The following RRAS2 variants were observed in gnomAD, a reference collection of about 807,000 sequenced individuals.
The protein encoded by RRAS2 is ras-related protein R-Ras2.
A neutral mutation model predicts 27.6 loss-of-function variants in RRAS2; 7 were observed. That is an observed-to-expected ratio of 0.25 (90% CI 0.14 to 0.48). The LOEUF is 0.48. Among genes scored for constraint, RRAS2 ranks in the 20% least tolerant of loss-of-function variants. The probability of loss-of-function intolerance (pLI) is 0.99; values close to 1 mark genes in which losing one functional copy is unlikely to be tolerated. For missense variants in RRAS2, 178 were observed against 256.2 expected (o/e 0.69, Z 2.08); for synonymous variants, 86 against 90.9 (o/e 0.95, Z 0.31).
chr11:14,316,328 C>T (rs1355525701), intron 1 of RRAS2, among the ~76,000 whole-genome samples: 3 of 151,988 alleles, frequency 2.0e-5, no homozygotes, highest in African/African-American at 4.8e-5. Flanking sequence ...AGAGAATCAA[C>T]CAAAAGAGAA....
intron 4 of RRAS2, among the ~76,000 whole-genome samples, chr11:14,293,513 G>A (rs1363984177): frequency 6.6e-6 from 1 of 151,794 alleles, no homozygotes; most frequent in Non-Finnish European, 1.5e-5. Context: ...TAACCCCCAC[G>A]TGTCATGGGA....
At chr11:14,333,573 T>C (rs1005572026) in intron 1 of RRAS2, among the ~76,000 whole-genome samples, 2 of 152,214 alleles carry the variant, frequency 1.3e-5, no homozygotes, top group Non-Finnish European at 2.9e-5. Context: ...GCATATATAA[T>C]TAAATCTATG....
At chr11:14,283,275 A>C (rs186513434) in intron 4 of RRAS2, among the ~76,000 whole-genome samples, 42 of 152,322 alleles carry the variant, frequency 2.8e-4, no homozygotes, top group African/African-American at 9.4e-4. Flanking sequence ...ACTCTCCTTG[A>C]GTGATATATT....
chr11:14,322,802 A>G (rs539531297), intron 1 of RRAS2, among the ~76,000 whole-genome samples: 1 of 152,238 alleles, frequency 6.6e-6, no homozygotes, highest in Non-Finnish European at 1.5e-5. Context: ...AATAAATGAA[A>G]TCACAAACAA....
At chr11:14,302,184 C>T (rs1847733347) in intron 1 of RRAS2, among the ~76,000 whole-genome samples, 1 of 151,910 alleles carries the variant, frequency 6.6e-6, no homozygotes, top group African/African-American at 2.4e-5. Flanking sequence ...ACCCCTTACC[C>T]CCACACTACA....
chr11:14,329,196 C>T (rs1848436568), intron 1 of RRAS2, among the ~76,000 whole-genome samples: 1 of 151,690 alleles, frequency 6.6e-6, no homozygotes, highest in Non-Finnish European at 1.5e-5. Flanking sequence ...CTGCAACCTC[C>T]CTTCGCCTCC....
At chr11:14,338,233 T>A (rs1320781708) in intron 1 of RRAS2, among the ~76,000 whole-genome samples, 1 of 152,178 alleles carries the variant, frequency 6.6e-6, no homozygotes, top group Non-Finnish European at 1.5e-5. Flanking sequence ...ATAAGGTAAG[T>A]ACTATTATCA....
intron 1 of RRAS2, among the ~76,000 whole-genome samples, chr11:14,336,842 T>C (rs1270102985): frequency 6.6e-6 from 1 of 152,086 alleles, no homozygotes; most frequent in Non-Finnish European, 1.5e-5. Context: ...AGCTGAAAAC[T>C]TCCCAAATGT....
intron 1 of RRAS2, among the ~76,000 whole-genome samples, chr11:14,357,674 G>C (rs972189186): frequency 6.6e-6 from 1 of 152,146 alleles, no homozygotes; most frequent in South Asian, 2.1e-4. Context: ...AGTGAAATAA[G>C]CTATTCAGGT....
chr11:14,308,608 G>A (rs971628831), intron 1 of RRAS2, among the ~76,000 whole-genome samples: 11 of 152,176 alleles, frequency 7.2e-5, no homozygotes, highest in Admixed American at 7.2e-4. Flanking sequence ...TATTTTAAAA[G>A]AGGAAGATTT....
chr11:14,306,138 T>C (rs575882225), intron 1 of RRAS2, among the ~76,000 whole-genome samples: 5 of 152,172 alleles, frequency 3.3e-5, no homozygotes, highest in Middle Eastern at 3.4e-3. Context: ...AGTTTTAATG[T>C]GCATTTCCCT....
intron 1 of RRAS2, among the ~76,000 whole-genome samples, chr11:14,354,692 T>TC (rs1849034883): frequency 6.7e-6 from 1 of 149,906 alleles, no homozygotes; most frequent in African/African-American, 2.5e-5. Flanking sequence ...TTTTTTTTTT[T>TC]TGAGACAAGA....
intron 4 of RRAS2, among the ~76,000 whole-genome samples, chr11:14,290,581 A>G (rs1849784847): frequency 6.6e-6 from 1 of 152,250 alleles, no homozygotes; most frequent in African/African-American, 2.4e-5. Context: ...AGCCCAAGAC[A>G]CTTTAGAGAG....
intron 1 of RRAS2, chr11:14,337,072 G>C (rs1554952644): frequency 6.6e-6 from 1 of 152,170 alleles, no homozygotes; most frequent in African/African-American, 2.4e-5. Context: ...GTATCTTTCA[G>C]GTGCTGATCA....
At chr11:14,304,361 A>G (rs1224742184) in intron 1 of RRAS2, among the ~76,000 whole-genome samples, 1 of 152,170 alleles carries the variant, frequency 6.6e-6, no homozygotes, top group Non-Finnish European at 1.5e-5. Flanking sequence ...TTGTCTTAGA[A>G]CCCTTAATAA....
At chr11:14,316,864 G>C (rs1290317743) in intron 1 of RRAS2, among the ~76,000 whole-genome samples, 1 of 152,148 alleles carries the variant, frequency 6.6e-6, no homozygotes, top group Non-Finnish European at 1.5e-5. Context: ...TGAGACATTG[G>C]AAATAACAAA....
chr11:14,329,661 T>C (rs963389159), intron 1 of RRAS2, among the ~76,000 whole-genome samples: 1 of 152,178 alleles, frequency 6.6e-6, no homozygotes, highest in Non-Finnish European at 1.5e-5. Flanking sequence ...ACTTGCCAAT[T>C]TCTGGCCATG....
rs1370984009 is a variant in RRAS2 at position 14,279,027 on chromosome 11, A to C, written c.*310T>G. 1 of 206,418 alleles carries C rather than the reference A, an allele frequency of 4.8e-6. No homozygotes were observed. Among genetic ancestry groups the C allele is most frequent in the Non-Finnish European group, 9.8e-6 (1 of 102,186 alleles). The allele number at this position is 206,418 out of a possible 1,614,324, so 12.8% of individuals were successfully genotyped here. A position where few individuals can be genotyped will look rare whatever the true frequency, so the allele number is the denominator to read the frequency against. The stretch of plus-strand genomic sequence containing the variant: ...AACCTGTAGCTTCAGCTTGGCAAAC[A>C]GCTTAGATTCCAAAACTGATTCATC... On this transcript the variant is annotated 3_prime_UTR_variant, in exon 6 of 6. Transcript: ENST00000256196.
chr11:14,293,140 TATATATATATATATATATATATC>T lies in RRAS2; in HGVS notation c.408+1308_408+1330del, dbSNP rs1847457704. On this transcript the variant is annotated intron_variant, in intron 4 of 5. Transcript: ENST00000256196. ...AACAAAACAAATATATATATATATA[TATATATATATATATATATATATC>T]ATTTTCTCTTAAGTCAGTGTTTGAA... 7.8e-5 allele frequency among the ~76,000 whole-genome samples: 10 copies of T among 128,454 alleles called. No individual in the cohort carries two copies. The South Asian group carries it at 2.4e-3, about 31-fold the overall frequency. 84.3% of individuals were successfully genotyped at this position (128,454 alleles called of 152,430 possible). A position where few individuals can be genotyped will look rare whatever the true frequency, so the allele number is the denominator to read the frequency against.
Sources: gnomAD v4.1 joint callset for allele counts (sites outside exome capture counted in the v4.1 genomes callset) on GRCh38, gnomAD v4.1.1 for gene constraint, MANE v1.5 for transcripts, NCBI Gene and HGNC (gene_info 2026-07-23, HGNC 2026-07-21) for gene names.